Variants in LRRC53 observed in about 807,000 individuals in gnomAD.
LRRC53 encodes leucine rich repeat containing 53.
LRRC53 carries 25 observed loss-of-function variants against 13.6 expected under a neutral mutation model. The ratio of observed to expected loss-of-function variants is 1.83; its 90% CI spans 1.34 to 2.56. LRRC53 has a LOEUF of 2.56. Among genes scored for constraint, LRRC53 ranks in the 30% most tolerant of loss-of-function variants. The probability of loss-of-function intolerance (pLI) is 0.00; values close to 1 mark genes in which losing one functional copy is unlikely to be tolerated. For missense variants in LRRC53, 527 were observed against 275.8 expected (o/e 1.91, Z -6.45); for synonymous variants, 204 against 109.8 (o/e 1.86, Z -5.37).
At chr1:74,493,383 G>A (rs2100310052) in intron 1 of LRRC53, among the ~76,000 whole-genome samples, 1 of 152,200 alleles carries the variant, frequency 6.6e-6, no homozygotes, top group South Asian at 2.1e-4. Flanking sequence ...GATGAAAACA[G>A]AAGCAAAAAC....
At chr1:74,511,183 C>G (rs1570722902) in intron 1 of LRRC53, among the ~76,000 whole-genome samples, 1 of 139,150 alleles carries the variant, frequency 7.2e-6, no homozygotes, top group Admixed American at 7.2e-5. Context: ...CGTGAGCTAC[C>G]GTGCCCGGCC....
At chr1:74,473,172 T>C (rs1668022493) in intron 4 of LRRC53, among the ~76,000 whole-genome samples, 1 of 152,152 alleles carries the variant, frequency 6.6e-6, no homozygotes, top group Non-Finnish European at 1.5e-5. Context: ...TAATGTACGT[T>C]CATCATCTCT....
chr1:74,493,042 G>A (rs1669156729), intron 1 of LRRC53, among the ~76,000 whole-genome samples: 1 of 152,062 alleles, frequency 6.6e-6, no homozygotes, highest in African/African-American at 2.4e-5. Context: ...TTACATTTAT[G>A]ACTTCATTTA....
At chr1:74,532,385 T>C in the LRRC53 span, among the ~76,000 whole-genome samples, 2 of 152,222 alleles carry the variant, frequency 1.3e-5, no homozygotes, top group African/African-American at 4.8e-5. Context: ...CTTTAACTTA[T>C]TATCAGCTCT....
chr1:74,472,349 AC>A lies in LRRC53; in HGVS notation c.1421-149del, dbSNP rs1409610235. 1.2e-5 allele frequency: 7 copies of A among 591,474 alleles called. No individual in the cohort carries two copies. In the Admixed American group the frequency reaches 1.5e-4, roughly 13 times the overall value. 36.6% of individuals were successfully genotyped at this position (591,474 alleles called of 1,614,324 possible). On this transcript the variant is annotated intron_variant, in intron 4 of 4. Coordinates refer to ENST00000294635, the MANE Select transcript of LRRC53 (RefSeq NM_001382280.1). ...TATTTCCTAATTTGTAACCAAACCTACAAAGGACATTTGTCAGTCCCATATG... is the reference window on the plus strand; with the variant it reads ...TATTTCCTAATTTGTAACCAAACCTAAAAGGACATTTGTCAGTCCCATATG...
At chr1:74,523,891 A>G in the LRRC53 span, among the ~76,000 whole-genome samples, 2 of 152,130 alleles carry the variant, frequency 1.3e-5, no homozygotes, top group East Asian at 3.9e-4. Context: ...TGTCATCTAC[A>G]TTAAACATTT....
the LRRC53 span, among the ~76,000 whole-genome samples, chr1:74,518,028 C>T: frequency 1.2e-4 from 19 of 152,210 alleles, no homozygotes; most frequent in Middle Eastern, 3.4e-3. Context: ...TTTGAGCAAG[C>T]GATGACCTCG....
the LRRC53 span, among the ~76,000 whole-genome samples, chr1:74,521,894 G>T: frequency 6.6e-6 from 1 of 152,100 alleles, no homozygotes; most frequent in Non-Finnish European, 1.5e-5. Context: ...TGCCATTTCT[G>T]CTATGAATCA....
At position 74,470,775 on chromosome 1, in the gene LRRC53, A is replaced by AT. The variant is rs995151906; in HGVS notation, c.2846dup (p.Asn949LysfsTer2). On this transcript the variant is annotated frameshift_variant, in exon 5 of 5. Transcript: ENST00000294635. LOFTEE classifies it low-confidence loss of function (END_TRUNC). The stretch of plus-strand genomic sequence containing the variant: ...TTTGCTCTCTGTGTTGTAAGGCTTC[A>AT]TTTTGGTCTAAAGTGTATTCCTTGT... 3 of 400,376 alleles carry AT rather than the reference A, an allele frequency of 7.5e-6. No homozygotes were observed. Among genetic ancestry groups the AT allele is most frequent in the Non-Finnish European group, 1.3e-5 (3 of 226,158 alleles). 24.8% of individuals were successfully genotyped at this position (400,376 alleles called of 1,614,324 possible). A position where few individuals can be genotyped will look rare whatever the true frequency, so the allele number is the denominator to read the frequency against.
At chr1:74,514,940 T>C (rs11210471), upstream of LRRC53, among the ~76,000 whole-genome samples, 12,427 of 151,966 alleles carry the variant, frequency 0.082, 1,126 homozygotes, top group African/African-American at 0.22. Flanking sequence ...CTTGTGTCTT[T>C]ATAAGAAGAG....
chr1:74,502,966 C>T (rs985703729), intron 1 of LRRC53, among the ~76,000 whole-genome samples: 88 of 152,338 alleles, frequency 5.8e-4, no homozygotes, highest in African/African-American at 2.0e-3. Context: ...CTTCTAGGAA[C>T]TTAACTGAAG....
Position 74,471,779 on chromosome 1 carries a change from T to G in LRRC53, c.1843A>C (p.Met615Leu), listed in dbSNP as rs560353266. The change falls in exon 5 of 5, where the codon ATG (methionine) becomes CTG (leucine). Residue 615 changes from methionine (M) to leucine (L), a missense_variant. Coordinates refer to ENST00000294635, the MANE Select transcript of LRRC53 (RefSeq NM_001382280.1). ...QINSAIEKFL[M>L]SEDNIDLSGL... ...GATAAATCTATGTTGTCCTCACTCATAAGAAATTTTTCTATTGCACTGTTA... is the reference window on the plus strand; with the variant it reads ...GATAAATCTATGTTGTCCTCACTCAGAAGAAATTTTTCTATTGCACTGTTA... The G allele has an allele frequency of 2.4e-6, 1 of 420,758 alleles. No individual in the cohort carries two copies. Among genetic ancestry groups the G allele is most frequent in the African/African-American group, 2.0e-5 (1 of 48,982 alleles). 26.1% of individuals were successfully genotyped at this position (420,758 alleles called of 1,614,324 possible). A position where few individuals can be genotyped will look rare whatever the true frequency, so the allele number is the denominator to read the frequency against.
At chr1:74,498,888 A>C (rs558780176) in intron 1 of LRRC53, among the ~76,000 whole-genome samples, 9 of 152,362 alleles carry the variant, frequency 5.9e-5, no homozygotes, top group Non-Finnish European at 1.2e-4. Flanking sequence ...TTCTATAACA[A>C]AAGGTAATGT....
At chr1:74,493,831 G>A (rs1466106845) in intron 1 of LRRC53, among the ~76,000 whole-genome samples, 2 of 152,174 alleles carry the variant, frequency 1.3e-5, no homozygotes, top group Non-Finnish European at 2.9e-5. Context: ...TGCTCAAGTT[G>A]TATCCTCTGA....
chr1:74,520,723 C>G, the LRRC53 span, among the ~76,000 whole-genome samples: 1 of 152,016 alleles, frequency 6.6e-6, no homozygotes, highest in African/African-American at 2.4e-5. Flanking sequence ...CTGGGGCATA[C>G]TATGTGGTAT....
chr1:74,478,938 G>T (rs1290205167), intron 3 of LRRC53, among the ~76,000 whole-genome samples: 1 of 152,110 alleles, frequency 6.6e-6, no homozygotes, highest in East Asian at 1.9e-4. Context: ...CCTAACATTT[G>T]AATTTCCTTC....
At chr1:74,507,731 G>A (rs1669978196) in intron 1 of LRRC53, among the ~76,000 whole-genome samples, 1 of 152,136 alleles carries the variant, frequency 6.6e-6, no homozygotes, top group South Asian at 2.1e-4. Context: ...TAGCCATGTT[G>A]GTATTCCCTA....
intron 1 of LRRC53, among the ~76,000 whole-genome samples, chr1:74,501,141 A>T (rs984781201): frequency 2.6e-5 from 4 of 151,750 alleles, no homozygotes; most frequent in African/African-American, 9.7e-5. Context: ...ACATTTCTCA[A>T]TCTCTTTTTA....
At chr1:74,519,205 T>C in the LRRC53 span, among the ~76,000 whole-genome samples, 1 of 89,982 alleles carries the variant, frequency 1.1e-5, no homozygotes, top group African/African-American at 5.5e-5. Context: ...CTACAAAGGA[T>C]ATGAACTCAT....
Sources: allele counts gnomAD v4.1 joint callset (sites outside exome capture counted in the v4.1 genomes callset), GRCh38; gene constraint gnomAD v4.1.1; transcripts MANE v1.5; gene names NCBI Gene and HGNC (gene_info 2026-07-23, HGNC 2026-07-21).